Variants in STK38 observed in about 807,000 individuals in gnomAD.
STK38 encodes serine/threonine kinase 38, also known as serine/threonine-protein kinase 38.
STK38 carries 26 observed loss-of-function variants against 59.0 expected under a neutral mutation model. The observed-to-expected ratio is 0.44, with a 90% CI of 0.32 to 0.61. The LOEUF is 0.61. STK38 is among the 20% of genes least tolerant of loss of function. STK38 has a pLI of 0.04. For missense variants in STK38, 433 were observed against 566.0 expected (o/e 0.76, Z 2.38); for synonymous variants, 175 against 176.6 (o/e 0.99, Z 0.07).
intron 7 of STK38, among the ~76,000 whole-genome samples, chr6:36,512,872 CT>C (rs1435136028): frequency 6.6e-6 from 1 of 152,100 alleles, no homozygotes; most frequent in African/African-American, 2.4e-5. Flanking sequence ...GTTGTCCAAG[CT>C]GGTCTCCAAC....
chr6:36,546,528 G>T (rs753903537), intron 1 of STK38, among the ~76,000 whole-genome samples: 5 of 152,154 alleles, frequency 3.3e-5, no homozygotes, highest in Non-Finnish European at 7.3e-5. Context: ...GTTTCTCTCC[G>T]AGTCTTTTAG....
At chr6:36,503,184 G>A (rs1046720320) in intron 9 of STK38, among the ~76,000 whole-genome samples, 1 of 152,132 alleles carries the variant, frequency 6.6e-6, no homozygotes, top group Non-Finnish European at 1.5e-5. Context: ...GCTGTACTGT[G>A]TGGCTTGTCT....
In STK38 at chr6:36,541,874, G is replaced by A. The variant is rs1582470425; in HGVS notation, c.-5-1667C>T. 1.4e-5 allele frequency among the ~76,000 whole-genome samples: 2 copies of A among 146,708 alleles called. 1 individual carries two copies. ...GATGGAGTCTCACTCTGTCGCCCAT[G>A]CTGGAGTACAATGATTCAATCTCAG... On this transcript the variant is annotated intron_variant, in intron 1 of 13. Transcript: ENST00000229812.
At chr6:36,510,313 G>A (rs1052407880) in intron 7 of STK38, among the ~76,000 whole-genome samples, 9 of 152,296 alleles carry the variant, frequency 5.9e-5, no homozygotes, top group Admixed American at 1.3e-4. Flanking sequence ...TGTCAGCACC[G>A]CCCCAAGTGT....
intron 7 of STK38, among the ~76,000 whole-genome samples, chr6:36,511,506 C>T (rs1215152883): frequency 6.6e-6 from 1 of 151,992 alleles, no homozygotes; most frequent in African/African-American, 2.4e-5. Flanking sequence ...CAGGTGCCCG[C>T]CACCACATCT....
intron 10 of STK38, among the ~76,000 whole-genome samples, chr6:36,499,251 G>A (rs927222729): frequency 1.3e-5 from 2 of 152,094 alleles, no homozygotes; most frequent in Non-Finnish European, 2.9e-5. Flanking sequence ...CTCTTTTTGA[G>A]AACTACAGGC....
At chr6:36,527,380 C>T (rs1053279364) in intron 2 of STK38, among the ~76,000 whole-genome samples, 2 of 149,822 alleles carry the variant, frequency 1.3e-5, no homozygotes, top group Non-Finnish European at 3.0e-5. Context: ...CACACACACA[C>T]ACACATATAT....
intron 2 of STK38, among the ~76,000 whole-genome samples, chr6:36,526,623 A>AGT (rs1777519788): frequency 6.6e-6 from 1 of 151,984 alleles, no homozygotes; most frequent in African/African-American, 2.4e-5. Context: ...GGCCAGGTGC[A>AGT]GTGGCTCACG....
At chr6:36,509,872 G>A (rs892627485) in intron 7 of STK38, among the ~76,000 whole-genome samples, 11 of 152,102 alleles carry the variant, frequency 7.2e-5, no homozygotes, top group Admixed American at 3.3e-4. Context: ...TAGGAGACCC[G>A]GAGTAGATAG....
chr6:36,496,645 T>C (rs1472589381), intron 13 of STK38, 66 bp downstream of exon 13: 1 of 1,210,318 alleles, frequency 8.3e-7, no homozygotes, highest in African/African-American at 1.5e-5. Flanking sequence ...TTTGTAAACA[T>C]CATCCCAAAA....
Position 36,499,908 on chromosome 6 carries a change from C to G in STK38, c.917G>C (p.Trp306Ser), listed in dbSNP as rs1240039027. The change falls in exon 10 of 14, where the codon TGG (tryptophan) becomes TCG (serine). Residue 306 changes from tryptophan (W) to serine (S), a missense_variant. Around this residue, in one of 3 missense-constraint regions of STK38, gnomAD observed 293 missense variants for 388.2 expected, o/e 0.75. Transcript: ENST00000229812. The part of the protein sequence containing the change: ...QTGYNKLCDW[W>S]SLGVIMYEML... Reference sequence around the variant, plus strand: ...CTCATACATGATCACCCCAAGCGACCACCAATCACAGAGCTTGTTGTACCC... The same window carrying G: ...CTCATACATGATCACCCCAAGCGACGACCAATCACAGAGCTTGTTGTACCC... The G allele has an allele frequency of 6.2e-7, 1 of 1,614,054 alleles. No homozygotes were observed. Among genetic ancestry groups the G allele is most frequent in the Non-Finnish European group, 8.5e-7 (1 of 1,179,998 alleles).
At chr6:36,512,949 C>T (rs1023846887) in intron 7 of STK38, among the ~76,000 whole-genome samples, 12 of 151,762 alleles carry the variant, frequency 7.9e-5, no homozygotes, top group Admixed American at 1.3e-4. Flanking sequence ...CGTGGGCCAC[C>T]GCGCCTGGCC....
intron 6 of STK38, among the ~76,000 whole-genome samples, chr6:36,516,772 G>A (rs1331411472): frequency 4.6e-5 from 7 of 152,152 alleles, no homozygotes; most frequent in Admixed American, 4.6e-4. Flanking sequence ...GAGAGCTCAG[G>A]CCAGATGCTC....
chr6:36,509,356 A>C (rs570737504), intron 7 of STK38, among the ~76,000 whole-genome samples: 1 of 152,312 alleles, frequency 6.6e-6, no homozygotes, highest in Non-Finnish European at 1.5e-5. Context: ...AGGTCATCCC[A>C]TCTGCCGGGG....
At chr6:36,509,067 C>A (rs916751810) in intron 7 of STK38, among the ~76,000 whole-genome samples, 1 of 152,244 alleles carries the variant, frequency 6.6e-6, no homozygotes, top group Non-Finnish European at 1.5e-5. Flanking sequence ...TTGTTGCCTG[C>A]AACACGGCGA....
intron 7 of STK38, among the ~76,000 whole-genome samples, chr6:36,513,343 T>C (rs1278316709): frequency 1.7e-5 from 2 of 120,232 alleles, no homozygotes; most frequent in East Asian, 4.7e-4. Flanking sequence ...TGAGAAGGAG[T>C]CTCGCTCTGT....
Position 36,495,707 on chromosome 6 carries a change from C to T in STK38, c.*77G>A. 1 of 1,580,558 alleles carries T rather than the reference C, an allele frequency of 6.3e-7. No homozygotes were observed. The highest frequency in any genetic ancestry group is 8.6e-7 in the Non-Finnish European group (1 of 1,157,986). Reference sequence around the variant, plus strand: ...GTGGGTTCCATCAACTTCTTGGAAGCTCTTCAAGAGTGTGAGAGGAAAAGC... The same window carrying T: ...GTGGGTTCCATCAACTTCTTGGAAGTTCTTCAAGAGTGTGAGAGGAAAAGC... On this transcript the variant is annotated 3_prime_UTR_variant, in exon 14 of 14. Coordinates refer to ENST00000229812, the MANE Select transcript of STK38 (RefSeq NM_007271.4).
At chr6:36,506,104 ATAAG>A (rs1188835220) in intron 9 of STK38, among the ~76,000 whole-genome samples, 5 of 152,304 alleles carry the variant, frequency 3.3e-5, no homozygotes, top group Admixed American at 6.5e-5. Context: ...TCCAATCTTT[ATAAG>A]TAAGTTCTTT....
intron 4 of STK38, among the ~76,000 whole-genome samples, 174 bp downstream of exon 4, chr6:36,524,167 C>T (rs750674604): frequency 6.6e-5 from 10 of 152,048 alleles, no homozygotes; most frequent in Non-Finnish European, 8.8e-5. Flanking sequence ...TCTGGGACTG[C>T]GGAGAGAAGA....
Sources: allele counts gnomAD v4.1 joint callset (sites outside exome capture counted in the v4.1 genomes callset), GRCh38; gene constraint gnomAD v4.1.1; regional missense constraint gnomAD v4.1.1; transcripts MANE v1.5; gene names NCBI Gene and HGNC (gene_info 2026-07-23, HGNC 2026-07-21).